Variants in USP47 observed in about 807,000 individuals in gnomAD.
USP47 encodes the protein ubiquitin specific peptidase 47, also known as ubiquitin carboxyl-terminal hydrolase 47.
Under a neutral mutation model 165.1 loss-of-function variants are expected in USP47, and 35 were observed. That is an observed-to-expected ratio of 0.21 (90% confidence interval 0.16 to 0.28). USP47 has a LOEUF of 0.28. Ranked by LOEUF, USP47 falls within the 10% of genes least tolerant of loss-of-function variation. USP47 has a pLI of 1.00. For synonymous variants in USP47, 531 were observed against 544.5 expected (o/e 0.98, Z 0.35); for missense variants, 1,277 against 1,607.4 (o/e 0.79, Z 3.52).
At chr11:11,908,030 A>G (rs556106951) in intron 8 of USP47, among the ~76,000 whole-genome samples, 98 of 152,192 alleles carry the variant, frequency 6.4e-4, no homozygotes, top group East Asian at 5.8e-4. Context: ...AGAGGCTGCA[A>G]TGAGCTGAGA....
At chr11:11,915,740 TGTTAAA>T (rs1853367665) in intron 8 of USP47, among the ~76,000 whole-genome samples, 1 of 152,132 alleles carries the variant, frequency 6.6e-6, no homozygotes, top group South Asian at 2.1e-4. Flanking sequence ...AAAGTAGTAA[TGTTAAA>T]GTATATATTC....
chr11:11,961,077 T>A lies in USP47; in HGVS notation c.*4902T>A, dbSNP rs1799037162. 6.6e-6 allele frequency among the ~76,000 whole-genome samples: 1 copy of A among 152,186 alleles called. No individual in the cohort carries two copies. Among genetic ancestry groups the A allele is most frequent in the South Asian group, 2.1e-4 (1 of 4,832 alleles). ...TTTATCAATAATAATATCGGTGGTTTACTTAAGGTGTCCAGAGATGGTGGA... is the reference window on the plus strand; with the variant it reads ...TTTATCAATAATAATATCGGTGGTTAACTTAAGGTGTCCAGAGATGGTGGA... On this transcript the variant is annotated 3_prime_UTR_variant, in exon 28 of 28. Coordinates refer to ENST00000527733, the MANE Select transcript of USP47 (RefSeq NM_001282659.2).
chr11:11,883,156 G>A (rs1850938870), intron 2 of USP47, among the ~76,000 whole-genome samples: 1 of 152,140 alleles, frequency 6.6e-6, no homozygotes, highest in South Asian at 2.1e-4. Flanking sequence ...TGACTTTAAG[G>A]AACCCAGCAA....
chr11:11,941,655 G>T (rs1855481170), intron 19 of USP47, among the ~76,000 whole-genome samples: 1 of 151,678 alleles, frequency 6.6e-6, no homozygotes, highest in African/African-American at 2.4e-5. Flanking sequence ...ACTTCCTCAG[G>T]ATCATATCAT....
chr11:11,892,164 C>T (rs929092507), intron 4 of USP47, 58 bp downstream of exon 4: 24 of 1,531,382 alleles, frequency 1.6e-5, no homozygotes, highest in East Asian at 2.3e-5. Flanking sequence ...GTAATCTTAG[C>T]GATTTGAAGC....
chr11:11,912,734 C>T (rs978244803), intron 8 of USP47, among the ~76,000 whole-genome samples: 2 of 151,916 alleles, frequency 1.3e-5, no homozygotes, highest in African/African-American at 4.8e-5. Context: ...AAAACAGTAT[C>T]CCTTATATGT....
chr11:11,854,600 A>G (rs10831684), intron 1 of USP47, among the ~76,000 whole-genome samples: 109,069 of 146,532 alleles, frequency 0.74, 44,793 homozygotes, highest in African/African-American at 0.92. Context: ...TGTGCTGTAC[A>G]TTGTTGTTAT....
At chr11:11,909,341 T>G (rs1852796603) in intron 8 of USP47, among the ~76,000 whole-genome samples, 1 of 152,194 alleles carries the variant, frequency 6.6e-6, no homozygotes, top group South Asian at 2.1e-4. Context: ...ACTGACTAGA[T>G]CAAAGTAACT....
intron 18 of USP47, 100 bp from the exon 19 acceptor site, chr11:11,940,329 C>A: frequency 8.2e-7 from 1 of 1,226,758 alleles, no homozygotes; most frequent in Non-Finnish European, 1.1e-6. Context: ...CTCTCTGCTG[C>A]TTTTAAGAAG....
intron 19 of USP47, among the ~76,000 whole-genome samples, chr11:11,941,196 T>C (rs140113305): frequency 6.6e-6 from 1 of 152,104 alleles, no homozygotes; most frequent in African/African-American, 2.4e-5. Flanking sequence ...TTATTACTAA[T>C]ATGTAATTTT....
chr11:11,920,154 A>G lies in USP47; in HGVS notation c.970-2A>G. The G allele has an allele frequency of 6.4e-7, 1 of 1,565,958 alleles. No homozygotes were observed. Among genetic ancestry groups the G allele is most frequent in the Non-Finnish European group, 8.6e-7 (1 of 1,160,094 alleles). ...TTATAAAACAAATTTTTTTCTAACTAGGAAGAAGCATTGCATGCATTTATT... is the reference window on the plus strand; with the variant it reads ...TTATAAAACAAATTTTTTTCTAACTGGGAAGAAGCATTGCATGCATTTATT... On this transcript the variant is annotated splice_acceptor_variant, in intron 8 of 27. Transcript: ENST00000527733. LOFTEE classifies it high-confidence loss of function.
intron 19 of USP47, among the ~76,000 whole-genome samples, chr11:11,940,957 G>A (rs953723871): frequency 2.6e-5 from 4 of 151,848 alleles, no homozygotes; most frequent in Non-Finnish European, 5.9e-5. Flanking sequence ...AGGGTCAGAG[G>A]CATACCTGGT....
chr11:11,856,719 C>T (rs981400551), intron 1 of USP47: 3 of 152,208 alleles, frequency 2.0e-5, no homozygotes, highest in African/African-American at 7.2e-5. Context: ...AACTTCTGAT[C>T]TGATTTTCAC....
chr11:11,956,787 C>T lies in USP47; in HGVS notation c.*612C>T, dbSNP rs1832858617. 6.6e-6 allele frequency: 1 copy of T among 152,630 alleles called. No individual in the cohort carries two copies. Among genetic ancestry groups the T allele is most frequent in the African/African-American group, 2.4e-5 (1 of 41,466 alleles). The allele number at this position is 152,630 out of a possible 1,614,324, so 9.5% of individuals were successfully genotyped here. On this transcript the variant is annotated 3_prime_UTR_variant, in exon 28 of 28. Transcript: ENST00000527733. ...GAGTATTAAGAACATTATTCTGGAA[C>T]ATCAGAACGTTTCCCTTAGACCGAT...
intron 10 of USP47, among the ~76,000 whole-genome samples, chr11:11,920,810 C>T (rs994657197): frequency 8.6e-5 from 13 of 151,630 alleles, no homozygotes; most frequent in Non-Finnish European, 1.6e-4. Flanking sequence ...TTTATAATTT[C>T]GTCGTTATTG....
At chr11:11,853,674 A>C (rs1057367018) in intron 1 of USP47, among the ~76,000 whole-genome samples, 14 of 152,202 alleles carry the variant, frequency 9.2e-5, no homozygotes, top group African/African-American at 3.1e-4. Context: ...AATGAAACTA[A>C]ACTGAAACAT....
chr11:11,920,601 C>G (rs949586059), intron 10 of USP47, 107 bp downstream of exon 10: 33 of 1,012,610 alleles, frequency 3.3e-5, no homozygotes, highest in Non-Finnish European at 4.1e-5. Flanking sequence ...GGACTGTCTT[C>G]TTGATGGAAA....
intron 1 of USP47, among the ~76,000 whole-genome samples, chr11:11,866,155 T>C (rs991242300): frequency 6.6e-6 from 1 of 152,210 alleles, no homozygotes; most frequent in Non-Finnish European, 1.5e-5. Context: ...CTCTTACATA[T>C]AGGTCTTTAT....
At chr11:11,928,253 A>C (rs1206872728) in intron 11 of USP47, among the ~76,000 whole-genome samples, 1 of 152,054 alleles carries the variant, frequency 6.6e-6, no homozygotes, top group East Asian at 1.9e-4. Flanking sequence ...TGGGGTTACC[A>C]CATTTCATAA....
Sources: gnomAD v4.1 joint callset for allele counts (sites outside exome capture counted in the v4.1 genomes callset) on GRCh38, gnomAD v4.1.1 for gene constraint, MANE v1.5 for transcripts, NCBI Gene and HGNC (gene_info 2026-07-23, HGNC 2026-07-21) for gene names.